Variants in ENTREP2 observed in about 807,000 individuals in gnomAD.
ENTREP2 encodes the protein endosomal transmembrane epsin interactor 2.
the ENTREP2 span, among the ~76,000 whole-genome samples, chr15:29,603,030 G>A: frequency 6.6e-6 from 1 of 152,222 alleles, no homozygotes; most frequent in Non-Finnish European, 1.5e-5. Flanking sequence ...AGAATCACGA[G>A]ATGGCCCAAT....
the ENTREP2 span, among the ~76,000 whole-genome samples, chr15:29,529,474 G>T: frequency 2.0e-5 from 3 of 151,914 alleles, no homozygotes; most frequent in Non-Finnish European, 4.4e-5. Flanking sequence ...CTGGCTCTGA[G>T]GTGTTTAGGG....
chr15:29,149,768 C>G, the ENTREP2 span, among the ~76,000 whole-genome samples: 1 of 152,312 alleles, frequency 6.6e-6, no homozygotes, highest in Admixed American at 6.5e-5. Flanking sequence ...TCTTTTGCCT[C>G]GCCCATGACT....
chr15:29,185,820 C>A, the ENTREP2 span, among the ~76,000 whole-genome samples: 2 of 152,150 alleles, frequency 1.3e-5, no homozygotes, highest in African/African-American at 2.4e-5. Flanking sequence ...CCTCGGCCTC[C>A]CAAAATGCAG....
chr15:29,180,703 A>C, the ENTREP2 span, among the ~76,000 whole-genome samples: 2 of 152,042 alleles, frequency 1.3e-5, no homozygotes, highest in African/African-American at 4.8e-5. Flanking sequence ...AAATAAAAAT[A>C]AAAAAGTAAC....
At chr15:29,269,457 C>T in the ENTREP2 span, 1 of 1,613,600 alleles carries the variant, frequency 6.2e-7, no homozygotes, top group Non-Finnish European at 8.5e-7. Context: ...GCTCCAGCTG[C>T]TTCTGGCTCC....
chr15:29,620,103 C>G, the ENTREP2 span, among the ~76,000 whole-genome samples: 3 of 152,036 alleles, frequency 2.0e-5, no homozygotes, highest in Non-Finnish European at 4.4e-5. Flanking sequence ...AGTTTATGTA[C>G]GTTTTTTGCT....
At chr15:29,174,702 C>CAAAAAAAAAAAA in the ENTREP2 span, among the ~76,000 whole-genome samples, 3 of 115,966 alleles carry the variant, frequency 2.6e-5, no homozygotes, top group South Asian at 5.6e-4. Context: ...CAAAACAAAA[C>CAAAAAAAAAAAA]AAAACAACAA....
At chr15:29,130,799 A>G in the ENTREP2 span, among the ~76,000 whole-genome samples, 1 of 152,194 alleles carries the variant, frequency 6.6e-6, no homozygotes, top group African/African-American at 2.4e-5. Flanking sequence ...AGCCATGGGG[A>G]AAATAGCACT....
chr15:29,467,638 C>T, the ENTREP2 span, among the ~76,000 whole-genome samples: 2 of 152,212 alleles, frequency 1.3e-5, no homozygotes, highest in African/African-American at 4.8e-5. Context: ...CAGAGACCAC[C>T]CGGTGAAACT....
At chr15:29,265,695 A>G in the ENTREP2 span, 1 of 152,248 alleles carries the variant, frequency 6.6e-6, no homozygotes, top group African/African-American at 2.4e-5. Context: ...AAATAAACCA[A>G]TTCAGTCCTA....
At chr15:29,142,155 C>T in the ENTREP2 span, among the ~76,000 whole-genome samples, 2 of 151,668 alleles carry the variant, frequency 1.3e-5, no homozygotes, top group African/African-American at 4.8e-5. Flanking sequence ...GGCTGGCTTC[C>T]CCTGGCTGGC....
the ENTREP2 span, among the ~76,000 whole-genome samples, chr15:29,552,583 T>C: frequency 6.6e-6 from 1 of 150,462 alleles, no homozygotes; most frequent in Non-Finnish European, 1.5e-5. Context: ...ATAATAATAA[T>C]AACAAAAAAC....
chr15:29,460,674 AATC>A, the ENTREP2 span, among the ~76,000 whole-genome samples: 1 of 152,144 alleles, frequency 6.6e-6, no homozygotes, highest in East Asian at 1.9e-4. Flanking sequence ...ACAATTCTTA[AATC>A]ATCACATCTA....
the ENTREP2 span, among the ~76,000 whole-genome samples, chr15:29,323,559 A>G: frequency 6.6e-6 from 1 of 152,244 alleles, no homozygotes; most frequent in South Asian, 2.1e-4. Flanking sequence ...CAGCAAATTA[A>G]TCAAACCCAA....
the ENTREP2 span, among the ~76,000 whole-genome samples, chr15:29,595,972 C>T: frequency 6.6e-6 from 1 of 152,038 alleles, no homozygotes; most frequent in Non-Finnish European, 1.5e-5. Context: ...CTGTATATTT[C>T]CAACCTGAGT....
chr15:29,265,956 A>T, the ENTREP2 span: 1 of 152,244 alleles, frequency 6.6e-6, no homozygotes, highest in Non-Finnish European at 1.5e-5. Flanking sequence ...AATTTTTTAA[A>T]GCACTATACA....
the ENTREP2 span, among the ~76,000 whole-genome samples, chr15:29,432,341 TC>T: frequency 6.6e-6 from 1 of 152,162 alleles, no homozygotes; most frequent in Non-Finnish European, 1.5e-5. Flanking sequence ...GCCTGCCATG[TC>T]TGAGCTCTTG....
chr15:29,626,556 T>C, the ENTREP2 span, among the ~76,000 whole-genome samples: 1 of 152,218 alleles, frequency 6.6e-6, no homozygotes, highest in Non-Finnish European at 1.5e-5. Flanking sequence ...ATGTCTTTAT[T>C]AGCAGCAGGA....
chr15:29,484,778 T>G, the ENTREP2 span, among the ~76,000 whole-genome samples: 1 of 152,202 alleles, frequency 6.6e-6, no homozygotes, highest in Non-Finnish European at 1.5e-5. Flanking sequence ...AATTCTTTAC[T>G]GAATGAAATA....
Sources: allele counts gnomAD v4.1 joint callset (sites outside exome capture counted in the v4.1 genomes callset), GRCh38; gene constraint gnomAD v4.1.1; transcripts MANE v1.5; gene names NCBI Gene and HGNC (gene_info 2026-07-23, HGNC 2026-07-21).